TIAM2: variants seen among roughly 807,000 people sequenced by gnomAD.
TIAM2 encodes the protein TIAM Rac1 associated GEF 2.
A neutral mutation model predicts 152.9 loss-of-function variants in TIAM2; 80 were observed. The ratio of observed to expected loss-of-function variants is 0.52; its 90% CI spans 0.44 to 0.63. The LOEUF is 0.63. Among genes scored for constraint, TIAM2 ranks in the 30% least tolerant of loss-of-function variants. The pLI, the probability that TIAM2 is intolerant of heterozygous loss-of-function variation, is 0.00. For missense variants in TIAM2, 1,965 were observed against 2,120.1 expected (o/e 0.93, Z 1.44); for synonymous variants, 804 against 838.0 (o/e 0.96, Z 0.70).
intron 1 of TIAM2, among the ~76,000 whole-genome samples, chr6:155,076,697 CT>C (rs1164475695): frequency 2.0e-5 from 3 of 151,382 alleles, no homozygotes; most frequent in African/African-American, 4.9e-5. Context: ...CTTTTCTTTT[CT>C]TTTTTTTTAG....
intron 15 of TIAM2, among the ~76,000 whole-genome samples, chr6:155,224,740 T>G (rs1230063327): frequency 6.6e-6 from 1 of 152,222 alleles, no homozygotes; most frequent in African/African-American, 2.4e-5. Context: ...TCTCATTCTT[T>G]GCTGCCACCT....
At chr6:155,003,372 C>G (rs1778346545) in intron 1 of TIAM2, among the ~76,000 whole-genome samples, 1 of 152,068 alleles carries the variant, frequency 6.6e-6, no homozygotes, top group Non-Finnish European at 1.5e-5. Context: ...CCAAGCTACC[C>G]AAGAGGCTGA....
intron 15 of TIAM2, among the ~76,000 whole-genome samples, chr6:155,228,397 T>C (rs1449566666): frequency 1.3e-5 from 2 of 152,126 alleles, no homozygotes; most frequent in South Asian, 2.1e-4. Context: ...CAATCATGAA[T>C]ATATAAAAAG....
At position 155,144,699 on chromosome 6, in the gene TIAM2, T is replaced by C. The variant is rs1056289620; in HGVS notation, c.1724T>C (p.Val575Ala). The part of the protein sequence containing the change: ...RCALFAEDSI[V>A]QSVPEHPKKE... ...GCTCTGTTTGCAGAAGACAGCATAGTGCAGTCTGTTCCAGAGCATCCCAAG... is the reference window on the plus strand; with the variant it reads ...GCTCTGTTTGCAGAAGACAGCATAGCGCAGTCTGTTCCAGAGCATCCCAAG... The change falls in exon 6 of 27, where the codon GTG becomes GCG. Residue 575 changes from valine to alanine, a missense_variant. Physicochemically the swap from Val to Ala is moderately conservative, Grantham distance 64. Coordinates refer to ENST00000682666, the MANE Select transcript of TIAM2 (RefSeq NM_012454.4). The C allele has an allele frequency of 6.2e-7, 1 of 1,611,490 alleles. No homozygotes were observed. The highest frequency in any genetic ancestry group is 1.3e-5 in the African/African-American group (1 of 74,768).
chr6:155,091,015 G>A (rs372102045), intron 2 of TIAM2, among the ~76,000 whole-genome samples: 3 of 152,274 alleles, frequency 2.0e-5, no homozygotes, highest in Admixed American at 6.5e-5. Context: ...ACTGTTTGCC[G>A]TGTCTGGAGT....
At chr6:155,064,520 A>G (rs969876424) in intron 1 of TIAM2, among the ~76,000 whole-genome samples, 4 of 152,228 alleles carry the variant, frequency 2.6e-5, no homozygotes, top group Non-Finnish European at 5.9e-5. Flanking sequence ...GCCCAGAAGC[A>G]TGAGAAGTGT....
At chr6:155,173,733 T>C (rs1162672347) in intron 9 of TIAM2, among the ~76,000 whole-genome samples, 2 of 152,224 alleles carry the variant, frequency 1.3e-5, no homozygotes, top group Non-Finnish European at 2.9e-5. Flanking sequence ...CTGGTATTCA[T>C]CTTCTCCTGG....
rs146563242 is a variant in TIAM2, at chr6:155,112,452, A to G, written c.-117-15038A>G. 5.1e-3 allele frequency among the ~76,000 whole-genome samples: 776 copies of G among 151,848 alleles called. 18 individuals carry two copies. The highest frequency in any genetic ancestry group is 6.6e-3 in the East Asian group (34 of 5,158). On this transcript the variant is annotated intron_variant, in intron 2 of 26. Coordinates refer to ENST00000682666, the MANE Select transcript of TIAM2 (RefSeq NM_012454.4). ...CTCTTGGTTCCTCTTAATTCAGTTC[A>G]CCAACTGCCCCTTCTGTCTCCATTA...
intron 1 of TIAM2, among the ~76,000 whole-genome samples, chr6:155,054,847 T>C (rs1777407239): frequency 1.3e-5 from 2 of 152,188 alleles, no homozygotes; most frequent in Non-Finnish European, 2.9e-5. Context: ...GGACAGAATA[T>C]TTGAGTTTTT....
intron 2 of TIAM2, among the ~76,000 whole-genome samples, chr6:155,125,099 C>T (rs1384707613): frequency 3.3e-5 from 5 of 151,542 alleles, no homozygotes; most frequent in Non-Finnish European, 7.4e-5. Flanking sequence ...GGTGAAACCC[C>T]GTCTCTACTA....
intron 15 of TIAM2, among the ~76,000 whole-genome samples, chr6:155,236,296 G>A (rs973711394): frequency 4.0e-5 from 6 of 151,878 alleles, no homozygotes; most frequent in Middle Eastern, 3.2e-3. Flanking sequence ...CAGAACGCGA[G>A]CTGTATGAAG....
chr6:155,025,148 T>G (rs1404312665), intron 1 of TIAM2, among the ~76,000 whole-genome samples: 1 of 151,798 alleles, frequency 6.6e-6, no homozygotes, highest in African/African-American at 2.4e-5. Flanking sequence ...CGCCTCAGTC[T>G]CCTGAGTAGC....
At position 155,117,383 on chromosome 6, in the gene TIAM2, T is replaced by C. The variant is rs191470967; in HGVS notation, c.-117-10107T>C. Among the ~76,000 whole-genome samples, 8 of 152,234 alleles carry C rather than the reference T, an allele frequency of 5.3e-5. No individual in the cohort carries two copies. In the East Asian group the frequency reaches 1.4e-3, roughly 26 times the overall value. Reference sequence around the variant, plus strand: ...CATTCCAAAAACATACCAGTAATATTTGTGGGATTGCCGGTTTCACCATCT... The same window carrying C: ...CATTCCAAAAACATACCAGTAATATCTGTGGGATTGCCGGTTTCACCATCT... On this transcript the variant is annotated intron_variant, in intron 2 of 26. Coordinates refer to ENST00000682666, the MANE Select transcript of TIAM2 (RefSeq NM_012454.4).
chr6:155,122,628 G>T (rs1779194326), intron 2 of TIAM2, among the ~76,000 whole-genome samples: 1 of 151,578 alleles, frequency 6.6e-6, no homozygotes, highest in African/African-American at 2.4e-5. Context: ...AAAAAAGTTT[G>T]TACACAGCAT....
intron 16 of TIAM2, among the ~76,000 whole-genome samples, chr6:155,242,460 T>C (rs11754840): frequency 0.34 from 51,759 of 152,120 alleles, 9,604 homozygotes; most frequent in Middle Eastern, 0.51. Flanking sequence ...CGGTCTGGCG[T>C]GGAATATGGT....
At chr6:155,089,916 A>G (rs1051744006) in intron 1 of TIAM2, among the ~76,000 whole-genome samples, 3 of 152,068 alleles carry the variant, frequency 2.0e-5, no homozygotes, top group African/African-American at 7.2e-5. Context: ...TCTGTCTGTC[A>G]ATCATCCATC....
chr6:155,132,751 C>T (rs1467084689), intron 4 of TIAM2, among the ~76,000 whole-genome samples: 1 of 152,180 alleles, frequency 6.6e-6, no homozygotes, highest in African/African-American at 2.4e-5. Context: ...TCCACTGTGT[C>T]CCCTAATTGG....
intron 17 of TIAM2, among the ~76,000 whole-genome samples, 169 bp from the exon 18 acceptor site, chr6:155,244,486 TCTA>T (rs1314686579): frequency 6.6e-6 from 1 of 152,244 alleles, no homozygotes; most frequent in Non-Finnish European, 1.5e-5. Context: ...TGTGAAACTT[TCTA>T]TGTATAAGCC....
rs570501518 is a variant in TIAM2, at chr6:155,103,878, C to T, written c.-118+13499C>T. ...TTTTCTTCCCTTTGTATCACAGAGT[C>T]CCTTTTCTGTCTTAATGTGGAAGGC... On this transcript the variant is annotated intron_variant, in intron 2 of 26. Transcript: ENST00000682666. Among the ~76,000 whole-genome samples, 3 of 151,976 alleles carry T rather than the reference C, an allele frequency of 2.0e-5. No individual in the cohort carries two copies. In the East Asian group the frequency reaches 5.8e-4, roughly 29 times the overall value.
Sources: allele counts gnomAD v4.1 joint callset (sites outside exome capture counted in the v4.1 genomes callset), GRCh38; gene constraint gnomAD v4.1.1; transcripts MANE v1.5; gene names NCBI Gene and HGNC (gene_info 2026-07-23, HGNC 2026-07-21).